Variants in HDAC9 observed in about 807,000 individuals in gnomAD.
HDAC9 encodes the protein histone deacetylase 9.
Under a neutral mutation model 139.4 loss-of-function variants are expected in HDAC9, and 41 were observed. The ratio of observed to expected loss-of-function variants is 0.29; its 90% CI spans 0.23 to 0.38. The LOEUF (loss-of-function observed/expected upper bound fraction) is 0.38. HDAC9 is among the 10% of genes least tolerant of loss of function. The pLI is 1.00. For missense variants in HDAC9, 1,147 were observed against 1,297.0 expected, an observed-to-expected ratio of 0.88 and a Z score of 1.78; for synonymous variants, 517 against 476.2, an observed-to-expected ratio of 1.09 and a Z score of -1.12.
intron 16 of HDAC9, among the ~76,000 whole-genome samples, chr7:18,789,443 C>A (rs1792118874): frequency 6.6e-6 from 1 of 152,104 alleles, no homozygotes; most frequent in Non-Finnish European, 1.5e-5. Context: ...TATAGTAGTT[C>A]TATTTTTAAG....
rs141866195 is a variant in HDAC9 at position 18,821,989 on chromosome 7, A to G, written c.2323-7172A>G. Among the ~76,000 whole-genome samples the G allele has an allele frequency of 7.5e-4, 114 of 152,236 alleles. 1 individual carries two copies. Among genetic ancestry groups the G allele is most frequent in the African/African-American group, 2.6e-3 (109 of 41,522 alleles). On this transcript the variant is annotated intron_variant, in intron 17 of 25. Transcript: ENST00000686413. ...GGAAGAGGTATGGAGGAGGGGCACA[A>G]AGCTTCCATTGCCTCTCCAAGTGTG...
intron 17 of HDAC9, 22 bp downstream of exon 17, chr7:18,793,474 G>C: frequency 7.0e-7 from 1 of 1,425,100 alleles, no homozygotes; most frequent in South Asian, 1.2e-5. Flanking sequence ...GTTGCATTAA[G>C]TGTGGGAAAT....
intron 1 of HDAC9, among the ~76,000 whole-genome samples, chr7:18,428,068 AT>A (rs1010932617): frequency 2.6e-5 from 4 of 152,136 alleles, no homozygotes; most frequent in African/African-American, 4.8e-5. Context: ...CAGGACTTCC[AT>A]TTTTTTAAGG....
rs1796883191 is a variant in HDAC9 at position 18,278,380 on chromosome 7, A to G, written c.25+116031A>G. Among the ~76,000 whole-genome samples the G allele has an allele frequency of 2.6e-5, 4 of 152,378 alleles. No individual in the cohort carries two copies. The South Asian group carries it at 8.3e-4, about 32-fold the overall frequency. On this transcript the variant is annotated intron_variant, in intron 2 of 12. Coordinates refer to the HDAC9 transcript ENST00000417496. ...GCTTTGAATGGAGTGCTTTATTAAA[A>G]TAATGGAAGAACATGGTAGAGGAAG...
intron 1 of HDAC9, among the ~76,000 whole-genome samples, chr7:18,296,564 T>A (rs1585047464): frequency 6.6e-6 from 1 of 152,146 alleles, no homozygotes; most frequent in South Asian, 2.1e-4. Context: ...TTCTAAATAT[T>A]TTGTTTCTTG....
At chr7:18,642,557 G>A (rs2129014249) in intron 8 of HDAC9, among the ~76,000 whole-genome samples, 1 of 152,178 alleles carries the variant, frequency 6.6e-6, no homozygotes, top group South Asian at 2.1e-4. Context: ...GAGTGCCTGT[G>A]AAGAATAGGT....
chr7:18,336,885 C>T lies in HDAC9; in HGVS notation c.-42+46370C>T, dbSNP rs1781624237. Among the ~76,000 whole-genome samples the T allele has an allele frequency of 2.6e-5, 4 of 151,532 alleles. No homozygotes were observed. The South Asian group carries it at 8.3e-4, about 31-fold the overall frequency. On this transcript the variant is annotated intron_variant, in intron 1 of 3. Transcript: ENST00000413509. Reference sequence around the variant, plus strand: ...AAAAATGGTGGCTGTGTGAAATTTACATGCCTAAGTTTGTAACTAAAACTA... The same window carrying T: ...AAAAATGGTGGCTGTGTGAAATTTATATGCCTAAGTTTGTAACTAAAACTA...
intron 25 of HDAC9, among the ~76,000 whole-genome samples, chr7:18,989,032 G>A (rs895975722): frequency 6.3e-5 from 7 of 110,986 alleles, no homozygotes; most frequent in Admixed American, 1.8e-4. Context: ...GCCAGTCTGT[G>A]TCTTTTAATT....
In HDAC9 at chr7:18,817,127, G is replaced by A. The variant is rs1962774; in HGVS notation, c.2323-12034G>A. Among the ~76,000 whole-genome samples, 1,277 of 150,838 alleles carry A rather than the reference G, an allele frequency of 8.5e-3. 14 individuals carry two copies. The highest frequency in any genetic ancestry group is 0.029 in the African/African-American group (1,215 of 41,216). On this transcript the variant is annotated intron_variant, in intron 17 of 25. Coordinates refer to ENST00000686413, the MANE Select transcript of HDAC9 (RefSeq NM_178425.4). ...TGGGCTCACTGCAAGCTCCGCCTCCGGGGTTCACGCCATTCTTCTGCCTCA... is the reference window on the plus strand; with the variant it reads ...TGGGCTCACTGCAAGCTCCGCCTCCAGGGTTCACGCCATTCTTCTGCCTCA...
At chr7:18,149,871 A>T (rs1423040692) in intron 1 of HDAC9, among the ~76,000 whole-genome samples, 1 of 151,346 alleles carries the variant, frequency 6.6e-6, no homozygotes, top group Non-Finnish European at 1.5e-5. Context: ...TCATTTTTTT[A>T]AATTTGTGGA....
chr7:18,170,640 G>C (rs1788356517), intron 2 of HDAC9, among the ~76,000 whole-genome samples: 1 of 152,110 alleles, frequency 6.6e-6, no homozygotes, highest in African/African-American at 2.4e-5. Context: ...GTAAGGAAGG[G>C]ATCCAGTTTC....
In HDAC9 at chr7:18,303,425, T is replaced by G. The variant is rs1946577; in HGVS notation, c.-42+12910T>G. Among the ~76,000 whole-genome samples, 571 of 69,114 alleles carry G rather than the reference T, an allele frequency of 8.3e-3. 18 individuals are homozygous for G. The highest frequency in any genetic ancestry group is 0.042 in the African/African-American group (500 of 11,808). The allele number at this position is 69,114 out of a possible 152,430, so 45.3% of individuals were successfully genotyped here. A position where few individuals can be genotyped will look rare whatever the true frequency, so the allele number is the denominator to read the frequency against. On this transcript the variant is annotated intron_variant, in intron 1 of 3. Transcript: ENST00000413509. The stretch of plus-strand genomic sequence containing the variant: ...TGTGTGTGTGTGTGTGTGTGTGTGT[T>G]TTTAGTAGAGATGGGGTTTCACCGT...
chr7:18,868,159 C>T (rs1798635434), intron 21 of HDAC9, among the ~76,000 whole-genome samples: 1 of 151,676 alleles, frequency 6.6e-6, no homozygotes, highest in Non-Finnish European at 1.5e-5. Context: ...CCAGGTAATC[C>T]CTGATTTTCC....
chr7:18,929,246 A>G (rs540013707), intron 22 of HDAC9, among the ~76,000 whole-genome samples: 2 of 152,310 alleles, frequency 1.3e-5, no homozygotes, highest in African/African-American at 4.8e-5. Flanking sequence ...CAACCCCTAT[A>G]AAGTATCAGG....
intron 6 of HDAC9, among the ~76,000 whole-genome samples, chr7:18,612,184 C>T (rs1398406735): frequency 1.3e-5 from 2 of 152,054 alleles, no homozygotes; most frequent in Non-Finnish European, 2.9e-5. Flanking sequence ...ACTTTAATTA[C>T]ATGGGTTTAA....
intron 21 of HDAC9, among the ~76,000 whole-genome samples, chr7:18,842,108 T>C (rs1323344435): frequency 2.0e-5 from 3 of 152,158 alleles, no homozygotes; most frequent in East Asian, 1.9e-4. Context: ...TGTCAAATGA[T>C]TTGGGATCTT....
chr7:18,562,655 CTT>C (rs948307195), intron 2 of HDAC9, among the ~76,000 whole-genome samples: 1 of 152,044 alleles, frequency 6.6e-6, no homozygotes, highest in African/African-American at 2.4e-5. Context: ...ATTATTATAA[CTT>C]TGTAATAAGT....
At chr7:18,661,743 G>A (rs1212033911) in intron 11 of HDAC9, among the ~76,000 whole-genome samples, 1 of 152,066 alleles carries the variant, frequency 6.6e-6, no homozygotes, top group African/African-American at 2.4e-5. Flanking sequence ...TCTGCTCTTG[G>A]AAAAAGATCA....
chr7:18,254,087 T>C (rs1261474682), intron 2 of HDAC9, among the ~76,000 whole-genome samples: 1 of 152,294 alleles, frequency 6.6e-6, no homozygotes, highest in Non-Finnish European at 1.5e-5. Flanking sequence ...ATCAAAAGTT[T>C]CCAGCTTAAC....
Sources: gnomAD v4.1 joint callset for allele counts (sites outside exome capture counted in the v4.1 genomes callset) on GRCh38, gnomAD v4.1.1 for gene constraint, MANE v1.5 for transcripts, NCBI Gene and HGNC (gene_info 2026-07-23, HGNC 2026-07-21) for gene names.